ATP8B4: variants seen among roughly 807,000 people sequenced by gnomAD.
The protein encoded by ATP8B4 is probable phospholipid-transporting ATPase IM.
A neutral mutation model predicts 145.6 loss-of-function variants in ATP8B4; 133 were observed. That is an observed-to-expected ratio of 0.91 (90% confidence interval 0.79 to 1.05). The LOEUF is 1.05. ATP8B4 is among the 50% of genes least tolerant of loss of function. The pLI, the probability that ATP8B4 is intolerant of heterozygous loss-of-function variation, is 0.00. For synonymous variants in ATP8B4, 507 were observed against 492.9 expected, an observed-to-expected ratio of 1.03 and a Z score of -0.38; for missense variants, 1,458 against 1,425.2, an observed-to-expected ratio of 1.02 and a Z score of -0.37.
chr15:50,135,797 T>C (rs192852026), intron 1 of ATP8B4, among the ~76,000 whole-genome samples: 66 of 152,312 alleles, frequency 4.3e-4, no homozygotes, highest in Middle Eastern at 3.4e-3. Context: ...GCTCCTCTTA[T>C]ATCCAATGGG....
chr15:49,931,024 A>AC (rs1476441284), intron 16 of ATP8B4, 95 bp downstream of exon 16: 1 of 1,342,760 alleles, frequency 7.4e-7, no homozygotes, highest in Non-Finnish European at 1.0e-6. Context: ...AACTATCACA[A>AC]CCCTCAGCAC....
intron 21 of ATP8B4, 136 bp from the exon 22 acceptor site, chr15:49,898,387 T>A: frequency 1.0e-6 from 1 of 959,280 alleles, no homozygotes; most frequent in South Asian, 1.9e-5. Flanking sequence ...AAAGTCATTG[T>A]TGATTCAGAA....
chr15:50,169,606 T>C (rs965544748), intron 1 of ATP8B4, among the ~76,000 whole-genome samples: 1 of 152,194 alleles, frequency 6.6e-6, no homozygotes, highest in Non-Finnish European at 1.5e-5. Flanking sequence ...CCTGGTAATA[T>C]GACAAACCAA....
upstream of ATP8B4, among the ~76,000 whole-genome samples, chr15:50,124,110 T>C (rs1048433398): frequency 1.3e-5 from 2 of 152,058 alleles, no homozygotes; most frequent in East Asian, 3.9e-4. Flanking sequence ...ATCCAACAAG[T>C]CTTTGAAGTA....
chr15:50,036,725 G>C (rs1279427209), intron 6 of ATP8B4, among the ~76,000 whole-genome samples: 1 of 152,040 alleles, frequency 6.6e-6, no homozygotes, highest in Non-Finnish European at 1.5e-5. Flanking sequence ...TAGGCTCAAG[G>C]GACACAAACA....
chr15:49,950,943 T>G (rs1340412485), intron 14 of ATP8B4, among the ~76,000 whole-genome samples: 1 of 152,222 alleles, frequency 6.6e-6, no homozygotes, highest in East Asian at 1.9e-4. Flanking sequence ...ATTTCTGCCT[T>G]AATTTCATTA....
chr15:50,053,006 G>A (rs778575307), intron 3 of ATP8B4, among the ~76,000 whole-genome samples: 3 of 152,156 alleles, frequency 2.0e-5, no homozygotes, highest in Non-Finnish European at 4.4e-5. Flanking sequence ...CACAAGAATA[G>A]ATATGAAAAG....
At chr15:50,044,378 A>C (rs1445195339) in intron 5 of ATP8B4, among the ~76,000 whole-genome samples, 1 of 152,236 alleles carries the variant, frequency 6.6e-6, no homozygotes, top group Non-Finnish European at 1.5e-5. Context: ...CATCTATAAA[A>C]GGAGAAAGTG....
intron 21 of ATP8B4, among the ~76,000 whole-genome samples, chr15:49,899,580 CTCTT>C (rs1398380235): frequency 4.6e-5 from 7 of 152,112 alleles, no homozygotes; most frequent in Non-Finnish European, 1.0e-4. Flanking sequence ...AATATTACCA[CTCTT>C]TCTGAAAGAG....
At chr15:49,922,504 A>G (rs973246105) in intron 17 of ATP8B4, 4 of 356,176 alleles carry the variant, frequency 1.1e-5, no homozygotes, top group South Asian at 2.1e-5. Context: ...TTTTAAATTT[A>G]AAGTGAGACA....
chr15:50,053,836 A>T (rs866916762), intron 3 of ATP8B4, among the ~76,000 whole-genome samples: 1 of 152,188 alleles, frequency 6.6e-6, no homozygotes, highest in Non-Finnish European at 1.5e-5. Flanking sequence ...TTTTCTAGAG[A>T]TCCTCATTAT....
At chr15:49,972,956 C>CT (rs1413055263) in intron 12 of ATP8B4, among the ~76,000 whole-genome samples, 166 bp from the exon 13 acceptor site, 1 of 152,184 alleles carries the variant, frequency 6.6e-6, no homozygotes, top group Admixed American at 6.5e-5. Flanking sequence ...TCAACAGAGT[C>CT]TGTTTATAAA....
intron 20 of ATP8B4, 108 bp from the exon 21 acceptor site, chr15:49,901,347 G>A (rs1400068397): frequency 2.5e-6 from 3 of 1,194,142 alleles, no homozygotes; most frequent in Non-Finnish European, 3.5e-6. Flanking sequence ...ACTATTCAGA[G>A]AGAATATGGC....
rs1240803074 is a variant in ATP8B4, at chr15:49,917,292, A to T, written c.2036-253T>A. On this transcript the variant is annotated intron_variant, in intron 19 of 27. Transcript: ENST00000284509. ...TAACGAATGTGCAGCCTTCTCATCTAGTTTTCAGAAAAACCTTTTCATTCC... is the reference window on the plus strand; with the variant it reads ...TAACGAATGTGCAGCCTTCTCATCTTGTTTTCAGAAAAACCTTTTCATTCC... 7.3e-6 allele frequency: 3 copies of T among 409,706 alleles called. No individual in the cohort carries two copies. The Admixed American group carries it at 1.3e-4, about 17-fold the overall frequency. The allele number at this position is 409,706 out of a possible 1,614,324, so 25.4% of individuals were successfully genotyped here. A position where few individuals can be genotyped will look rare whatever the true frequency, so the allele number is the denominator to read the frequency against.
chr15:49,950,347 G>C (rs1157791936), intron 14 of ATP8B4, among the ~76,000 whole-genome samples: 3 of 151,942 alleles, frequency 2.0e-5, no homozygotes, highest in Admixed American at 6.6e-5. Context: ...GCTTGTTATT[G>C]GTCTACTCAA....
At chr15:49,884,660 A>G (rs1266806883) in intron 23 of ATP8B4, among the ~76,000 whole-genome samples, 2 of 150,322 alleles carry the variant, frequency 1.3e-5, no homozygotes, top group African/African-American at 4.9e-5. Context: ...TTTTTCCCTC[A>G]CCTTGTTTAA....
At chr15:50,131,664 T>A (rs2044049705) in intron 1 of ATP8B4, among the ~76,000 whole-genome samples, 1 of 151,654 alleles carries the variant, frequency 6.6e-6, no homozygotes, top group South Asian at 2.1e-4. Flanking sequence ...TGTTTAACAC[T>A]AATATATAAG....
chr15:49,938,000 T>C (rs972370100), intron 14 of ATP8B4, among the ~76,000 whole-genome samples: 2 of 152,150 alleles, frequency 1.3e-5, no homozygotes, highest in Non-Finnish European at 1.5e-5. Context: ...GTAAGTGCCA[T>C]GATAAGGCAA....
chr15:50,051,799 G>A (rs995266501), intron 3 of ATP8B4, among the ~76,000 whole-genome samples: 13 of 152,094 alleles, frequency 8.5e-5, no homozygotes, highest in African/African-American at 2.4e-4. Context: ...TCAAAACCAC[G>A]GCAGGAATTA....
Sources: gnomAD v4.1 joint callset for allele counts (sites outside exome capture counted in the v4.1 genomes callset) on GRCh38, gnomAD v4.1.1 for gene constraint, MANE v1.5 for transcripts, NCBI Gene and HGNC (gene_info 2026-07-23, HGNC 2026-07-21) for gene names.